The following WDR44 variants were observed in gnomAD, a reference collection of about 807,000 sequenced individuals.
WDR44 encodes the protein WD repeat domain 44.
Under a neutral mutation model 65.7 loss-of-function variants are expected in WDR44, and 9 were observed. That is an observed-to-expected ratio of 0.14 (90% CI 0.08 to 0.24). The LOEUF is 0.24. Among genes scored for constraint, WDR44 ranks in the 10% least tolerant of loss-of-function variants. WDR44 has a pLI of 1.00. For missense variants in WDR44, 425 were observed against 670.9 expected (o/e 0.63, Z 4.05); for synonymous variants, 220 against 235.2 (o/e 0.94, Z 0.59).
intron 2 of WDR44, among the ~76,000 whole-genome samples, chrX:118,383,505 T>C (rs2056737162): frequency 8.9e-6 from 1 of 111,776 alleles, no homozygotes; most frequent in East Asian, 2.8e-4. Context: ...TTAGGGAAAA[T>C]ATCCACAGAA....
At chrX:118,349,535 A>G (rs2056383871) in intron 1 of WDR44, among the ~76,000 whole-genome samples, 1 of 100,552 alleles carries the variant, frequency 9.9e-6, no homozygotes. Flanking sequence ...TCTCATTTTT[A>G]TCTTCATTTT....
chrX:118,414,596 C>T (rs1382480113), intron 12 of WDR44, among the ~76,000 whole-genome samples: 2 of 111,430 alleles, frequency 1.8e-5, no homozygotes, highest in Non-Finnish European at 3.8e-5. Flanking sequence ...TGTCTTTCGC[C>T]TCTTTGGTTA....
chrX:118,387,509 C>T (rs1161847291), intron 3 of WDR44, 95 bp downstream of exon 3: 1 of 455,389 alleles, frequency 2.2e-6, no homozygotes, highest in Non-Finnish European at 3.3e-6. Flanking sequence ...GTATAGCGCT[C>T]TGTACATGGC....
chrX:118,390,306 G>C (rs905642470), intron 3 of WDR44, among the ~76,000 whole-genome samples: 1 of 110,437 alleles, frequency 9.1e-6, no homozygotes, highest in East Asian at 2.8e-4. Context: ...TAGTCTTTCC[G>C]TTTTCACTAT....
intron 12 of WDR44, among the ~76,000 whole-genome samples, chrX:118,413,064 A>G (rs991772794): frequency 1.8e-5 from 2 of 112,341 alleles, no homozygotes; most frequent in Admixed American, 1.9e-4. Flanking sequence ...CATCGTGTAT[A>G]CATACCAGTT....
chrX:118,405,732 A>T lies in WDR44; in HGVS notation c.1382-1143A>T, dbSNP rs775894469. Among the ~76,000 whole-genome samples the T allele has an allele frequency of 4.1e-3, 457 of 112,166 alleles. 1 individual carries two copies. The highest frequency in any genetic ancestry group is 0.015 in the South Asian group (40 of 2,723). ...CAACCACAGATAGAAAAATATTTTT[A>T]AAAATATATAAAAAATAACAATGCA... On this transcript the variant is annotated intron_variant, in intron 9 of 19. Transcript: ENST00000254029.
intron 1 of WDR44, among the ~76,000 whole-genome samples, chrX:118,355,616 A>G (rs899891104): frequency 8.9e-6 from 1 of 112,183 alleles, no homozygotes; most frequent in Non-Finnish European, 1.9e-5. Flanking sequence ...TGTGCCTATT[A>G]TGTCCCAGAT....
At chrX:118,380,446 A>C (rs2056704413) in intron 2 of WDR44, among the ~76,000 whole-genome samples, 1 of 111,573 alleles carries the variant, frequency 9.0e-6, no homozygotes, top group East Asian at 2.8e-4. Flanking sequence ...TTGTCACTTA[A>C]GGAATGTTCT....
At chrX:118,440,747 T>C (rs1602978127) in intron 14 of WDR44, among the ~76,000 whole-genome samples, 1 of 111,296 alleles carries the variant, frequency 9.0e-6, no homozygotes, top group East Asian at 2.8e-4. Flanking sequence ...CTCAAACTTA[T>C]TTGATCACAG....
Position 118,432,902 on chromosome X carries a change from ATTC to A in WDR44, c.1851+11_1851+13del, listed in dbSNP as rs767443920. 1 of 1,163,076 alleles carries A rather than the reference ATTC, an allele frequency of 8.6e-7. No individual in the cohort carries two copies. Among genetic ancestry groups the A allele is most frequent in the South Asian group, 1.8e-5 (1 of 55,554 alleles). On this transcript the variant is annotated intron_variant, in intron 13 of 19. Coordinates refer to ENST00000254029, the MANE Select transcript of WDR44 (RefSeq NM_019045.5). ...GATCTTTCATGGTCTAAAGTAAGAAATTCTTATTTGAATCATATAGTAATTCTG... is the reference window on the plus strand; with the variant it reads ...GATCTTTCATGGTCTAAAGTAAGAAATTATTTGAATCATATAGTAATTCTG...
rs763685754 is a variant in WDR44 at position 118,436,696 on chromosome X, C to T, written c.1852-6C>T. The T allele has an allele frequency of 7.6e-6, 9 of 1,184,974 alleles. No homozygotes were observed. The highest frequency in any genetic ancestry group is 9.1e-6 in the Non-Finnish European group (8 of 880,026). ...GATAACATAGTCAATGTCATTTTCC[C>T]CATAGAACTACTTTCTTCTTTCTTC... is the stretch of plus-strand genomic sequence containing the variant. On this transcript the variant is annotated splice_polypyrimidine_tract_variant and splice_region_variant and intron_variant, in intron 13 of 19. Coordinates refer to ENST00000254029, the MANE Select transcript of WDR44 (RefSeq NM_019045.5).
At chrX:118,444,551 T>C (rs2057330018) in intron 19 of WDR44, 57 bp downstream of exon 19, 6 of 1,142,726 alleles carry the variant, frequency 5.3e-6, no homozygotes, top group Non-Finnish European at 7.1e-6. Context: ...GCCTCATTTA[T>C]CTCATTTGAG....
intron 1 of WDR44, among the ~76,000 whole-genome samples, chrX:118,369,631 A>G (rs62611076): frequency 0.25 from 25,047 of 101,176 alleles, 2,406 homozygotes; most frequent in Admixed American, 0.32. Context: ...ACCACGCCTG[A>G]CTAATTTTTT....
intron 1 of WDR44, among the ~76,000 whole-genome samples, chrX:118,364,353 T>C (rs1569357820): frequency 1.8e-5 from 2 of 111,981 alleles, no homozygotes; most frequent in Non-Finnish European, 3.8e-5. Flanking sequence ...AGCTGGAGGG[T>C]CTATTCCAGA....
chrX:118,413,936 G>A (rs5956979), intron 12 of WDR44, among the ~76,000 whole-genome samples: 14,749 of 110,817 alleles, frequency 0.13, 1,108 homozygotes, highest in African/African-American at 0.28. Context: ...GTTGAAAAGG[G>A]TGTCCTTTCC....
At chrX:118,352,339 TATATATATATA>T (rs2056416510) in intron 1 of WDR44, among the ~76,000 whole-genome samples, 1 of 21,725 alleles carries the variant, frequency 4.6e-5, no homozygotes, top group Non-Finnish European at 6.4e-5. Flanking sequence ...TATATATATA[TATATATATATA>T]TATTTTTTTT....
intron 1 of WDR44, among the ~76,000 whole-genome samples, chrX:118,372,021 T>C (rs2147679412): frequency 9.4e-6 from 1 of 106,018 alleles, no homozygotes; most frequent in East Asian, 2.9e-4. Context: ...TAGCTCCTGC[T>C]ATCACTGGAG....
intron 12 of WDR44, among the ~76,000 whole-genome samples, chrX:118,416,475 CCAT>C (rs1408586657): frequency 8.9e-6 from 1 of 111,827 alleles, no homozygotes; most frequent in Admixed American, 9.5e-5. Flanking sequence ...TATTTTATTT[CCAT>C]GTATTTGCAC....
chrX:118,404,917 G>T (rs2056950424), intron 9 of WDR44, among the ~76,000 whole-genome samples: 1 of 111,184 alleles, frequency 9.0e-6, no homozygotes, highest in Non-Finnish European at 1.9e-5. Flanking sequence ...AGCCAGGATG[G>T]TCTCGATCTC....
Sources: gnomAD v4.1 joint callset for allele counts (sites outside exome capture counted in the v4.1 genomes callset) on GRCh38, gnomAD v4.1.1 for gene constraint, MANE v1.5 for transcripts, NCBI Gene and HGNC (gene_info 2026-07-23, HGNC 2026-07-21) for gene names.